Variants in ANKRD17 observed in about 807,000 individuals in gnomAD.
ANKRD17 encodes ankyrin repeat domain 17.
ANKRD17 carries 19 observed loss-of-function variants against 229.7 expected under a neutral mutation model. The ratio of observed to expected loss-of-function variants is 0.08; its 90% CI spans 0.06 to 0.12. The LOEUF is 0.12. Among genes scored for constraint, ANKRD17 ranks in the 10% least tolerant of loss-of-function variants. The pLI is 1.00. For synonymous variants in ANKRD17, 1,112 were observed against 1,146.1 expected (o/e 0.97, Z 0.60); for missense variants, 2,176 against 3,176.8 (o/e 0.68, Z 7.57).
At chr4:73,252,288 T>C (rs1352368824) in intron 1 of ANKRD17, among the ~76,000 whole-genome samples, 1 of 152,138 alleles carries the variant, frequency 6.6e-6, no homozygotes, top group African/African-American at 2.4e-5. Context: ...GGGCAAAACA[T>C]GAAGATATAA....
At chr4:73,161,674 G>A (rs1373060259) in intron 2 of ANKRD17, among the ~76,000 whole-genome samples, 1 of 152,130 alleles carries the variant, frequency 6.6e-6, no homozygotes, top group Non-Finnish European at 1.5e-5. Flanking sequence ...TAAGATGTGA[G>A]TCATAAGCTA....
chr4:73,125,210 C>A lies in ANKRD17; in HGVS notation c.3337G>T (p.Asp1113Tyr). 6.2e-7 allele frequency: 1 copy of A among 1,603,564 alleles called. No individual in the cohort carries two copies. The highest frequency in any genetic ancestry group is 8.5e-7 in the Non-Finnish European group (1 of 1,177,278). Residue 1113 changes from aspartate to tyrosine, a missense_variant, in exon 17 of 34, where the codon GAC becomes TAC. Around this residue, in one of 18 missense-constraint regions of ANKRD17, gnomAD observed 178 missense variants for 421.7 expected, o/e 0.42. Coordinates refer to ENST00000358602, the MANE Select transcript of ANKRD17 (RefSeq NM_032217.5). ...LERGASIEHR[D>Y]KKGFTPLILA... ...CAAAAGTAGGCCCTACCTTTCTTGT[C>A]TCGGTGCTCTATACTAGCTCCTCTC... is the stretch of plus-strand genomic sequence containing the variant.
At chr4:73,251,735 C>T (rs1316061656) in intron 1 of ANKRD17, among the ~76,000 whole-genome samples, 5 of 152,044 alleles carry the variant, frequency 3.3e-5, no homozygotes, top group Admixed American at 2.6e-4. Context: ...CATTTTTTAA[C>T]CCATTAAATT....
At chr4:73,170,535 C>T (rs753004402) in intron 2 of ANKRD17, among the ~76,000 whole-genome samples, 8 of 121,556 alleles carry the variant, frequency 6.6e-5, no homozygotes, top group African/African-American at 9.2e-5. Context: ...CAGTTGGGGT[C>T]GGGGGGCGGG....
chr4:73,077,236 A>C (rs542651611), intron 32 of ANKRD17, 119 bp downstream of exon 32: 122 of 1,312,376 alleles, frequency 9.3e-5, no homozygotes, highest in Admixed American at 5.4e-4. Flanking sequence ...AAGAAATCTA[A>C]AAATTATTAC....
chr4:73,208,105 C>T (rs1331853515), intron 1 of ANKRD17, among the ~76,000 whole-genome samples: 9 of 140,126 alleles, frequency 6.4e-5, no homozygotes, highest in Admixed American at 6.2e-4. Context: ...AGGAGAATGG[C>T]GTGAGCCCGG....
chr4:73,093,552 T>A (rs1488379039), intron 28 of ANKRD17, among the ~76,000 whole-genome samples: 3 of 152,080 alleles, frequency 2.0e-5, no homozygotes, highest in Non-Finnish European at 2.9e-5. Context: ...TAATTTTGTA[T>A]TTTTAGTAGA....
At chr4:73,089,029 T>C (rs1361529825) in intron 29 of ANKRD17, among the ~76,000 whole-genome samples, 2 of 151,990 alleles carry the variant, frequency 1.3e-5, no homozygotes, top group African/African-American at 2.4e-5. Flanking sequence ...TTGTGTTGCA[T>C]GTTTATTCTT....
chr4:73,139,424 A>G, intron 15 of ANKRD17, 107 bp downstream of exon 15: 1 of 1,285,344 alleles, frequency 7.8e-7, no homozygotes. Flanking sequence ...GACATGAGTC[A>G]GTCCAAAAAT....
intron 1 of ANKRD17, among the ~76,000 whole-genome samples, chr4:73,182,137 T>A (rs1450878346): frequency 1.9e-5 from 2 of 104,606 alleles, no homozygotes; most frequent in Non-Finnish European, 3.9e-5. Context: ...ATGAAATATA[T>A]AAATAACTTC....
intron 1 of ANKRD17, among the ~76,000 whole-genome samples, chr4:73,215,350 C>T (rs758045149): frequency 5.3e-5 from 8 of 151,846 alleles, no homozygotes; most frequent in Non-Finnish European, 2.9e-5. Context: ...ACCTCCGCCT[C>T]GCGGGTTCAA....
chr4:73,188,013 C>T (rs992503393), intron 1 of ANKRD17, among the ~76,000 whole-genome samples: 2 of 152,002 alleles, frequency 1.3e-5, no homozygotes, highest in Non-Finnish European at 2.9e-5. Flanking sequence ...CTTAGTATAT[C>T]ACAAACAGAG....
chr4:73,141,961 C>T, intron 13 of ANKRD17, 118 bp from the exon 14 acceptor site: 1 of 896,824 alleles, frequency 1.1e-6, no homozygotes, highest in Non-Finnish European at 1.6e-6. Context: ...TCATCTTAGA[C>T]AATGACATAT....
intron 1 of ANKRD17, among the ~76,000 whole-genome samples, chr4:73,199,343 C>T (rs1288800047): frequency 6.6e-6 from 1 of 151,738 alleles, no homozygotes; most frequent in Non-Finnish European, 1.5e-5. Context: ...AAGAGAAAGG[C>T]GAGATGCCAA....
chr4:73,179,486 G>GTATATA (rs1391988983), intron 1 of ANKRD17, among the ~76,000 whole-genome samples: 5 of 59,996 alleles, frequency 8.3e-5, no homozygotes, highest in Non-Finnish European at 9.3e-5. Flanking sequence ...GTGTGTGTGT[G>GTATATA]TGTATATATA....
rs1417151939 is a variant in ANKRD17, at chr4:73,121,747, A to C, written c.3505T>G (p.Leu1169Val). The C allele has an allele frequency of 6.2e-7, 1 of 1,600,800 alleles. No homozygotes were observed. Among genetic ancestry groups the C allele is most frequent in the African/African-American group, 1.3e-5 (1 of 74,292 alleles). Residue 1169 changes from leucine to valine, a missense_variant, in exon 19 of 34, where the codon TTG becomes GTG. This residue lies in a region of ANKRD17 where 178 missense variants were observed against 421.7 expected (regional missense o/e 0.42). Coordinates refer to ENST00000358602, the MANE Select transcript of ANKRD17 (RefSeq NM_032217.5). Reference protein sequence around the residue: ...SGGRQEVVELLLARGANKEHR... With the variant: ...SGGRQEVVELVLARGANKEHR... ...TCTTTATTTGCCCCTCGAGCTAACA[A>C]TAGCTCCACCACCTGAAAATAAAAT...
intron 2 of ANKRD17, among the ~76,000 whole-genome samples, chr4:73,169,865 G>A (rs921367510): frequency 6.6e-6 from 1 of 152,204 alleles, no homozygotes; most frequent in African/African-American, 2.4e-5. Context: ...CCTGCTCGTG[G>A]AGGGAGCTTT....
At chr4:73,179,501 T>C (rs1395685889) in intron 1 of ANKRD17, among the ~76,000 whole-genome samples, 3 of 78,272 alleles carry the variant, frequency 3.8e-5, no homozygotes, top group South Asian at 3.8e-4. Context: ...TATATATATA[T>C]ATATATATAT....
At chr4:73,157,149 ATTT>A (rs1357744160) in intron 3 of ANKRD17, among the ~76,000 whole-genome samples, 1 of 152,164 alleles carries the variant, frequency 6.6e-6, no homozygotes, top group Non-Finnish European at 1.5e-5. Context: ...TCAGTAGAAA[ATTT>A]TTTATAAAAT....
Sources: gnomAD v4.1 joint callset for allele counts (sites outside exome capture counted in the v4.1 genomes callset) on GRCh38, gnomAD v4.1.1 for gene constraint, gnomAD v4.1.1 regional missense constraint, MANE v1.5 for transcripts, NCBI Gene and HGNC (gene_info 2026-07-23, HGNC 2026-07-21) for gene names.